The following MAP2K5 variants were observed in gnomAD, a reference collection of about 807,000 sequenced individuals.
MAP2K5 encodes mitogen-activated protein kinase kinase 5, also known as dual specificity mitogen-activated protein kinase kinase 5.
In MAP2K5, 49 loss-of-function variants were observed where a neutral mutation model predicts 83.1. The observed-to-expected ratio is 0.59, with a 90% CI of 0.47 to 0.75. MAP2K5 has a LOEUF of 0.75. MAP2K5 is among the 30% of genes least tolerant of loss of function. MAP2K5 has a pLI of 0.00. For synonymous variants in MAP2K5, 202 were observed against 191.8 expected (o/e 1.05, Z -0.44); for missense variants, 457 against 557.5 (o/e 0.82, Z 1.82).
At chr15:67,756,952 TC>T (rs1042766246) in intron 19 of MAP2K5, among the ~76,000 whole-genome samples, 2 of 152,202 alleles carry the variant, frequency 1.3e-5, no homozygotes, top group African/African-American at 2.4e-5. Flanking sequence ...TATTGACTGA[TC>T]CTTGGGTTGT....
Position 67,755,179 on chromosome 15 carries a change from A to G in MAP2K5, c.1134+6578A>G, listed in dbSNP as rs942848210. Among the ~76,000 whole-genome samples the G allele has an allele frequency of 6.6e-6, 1 of 152,028 alleles. No individual in the cohort carries two copies. The highest frequency in any genetic ancestry group is 2.4e-5 in the African/African-American group (1 of 41,394). On this transcript the variant is annotated intron_variant, in intron 19 of 21. Coordinates refer to ENST00000178640, the MANE Select transcript of MAP2K5 (RefSeq NM_145160.3). This position sits in a 1 kb window ranked among gnomAD's most constrained non-coding sequence, Gnocchi z 4.7. ...TTTTTAGTAGAGATGGGGTTTCACC[A>G]TGTTGGCCAGGCTGGTCTCAAACTC...
At chr15:67,693,790 C>G (rs1263453668) in intron 15 of MAP2K5, among the ~76,000 whole-genome samples, 1 of 152,162 alleles carries the variant, frequency 6.6e-6, no homozygotes, top group African/African-American at 2.4e-5. Flanking sequence ...CTGGTTGGTT[C>G]AAGTGTGAAA....
chr15:67,589,802 T>C (rs904905943), intron 6 of MAP2K5, among the ~76,000 whole-genome samples: 3 of 151,882 alleles, frequency 2.0e-5, no homozygotes, highest in Admixed American at 2.0e-4. Context: ...TGTGTGTGTG[T>C]GTGTGTGTGT....
intron 11 of MAP2K5, among the ~76,000 whole-genome samples, chr15:67,651,145 A>C (rs1397319260): frequency 6.6e-6 from 1 of 152,124 alleles, no homozygotes; most frequent in African/African-American, 2.4e-5. Context: ...TTGAACCTGG[A>C]AGCTGGAGGT....
At chr15:67,606,871 A>G (rs2085788628) in intron 8 of MAP2K5, among the ~76,000 whole-genome samples, 1 of 152,230 alleles carries the variant, frequency 6.6e-6, no homozygotes, top group Admixed American at 6.5e-5. Flanking sequence ...GGGAAACAGA[A>G]TGAAAAGAGT....
intron 21 of MAP2K5, among the ~76,000 whole-genome samples, chr15:67,791,953 A>G (rs1360006826): frequency 1.3e-5 from 2 of 152,214 alleles, no homozygotes; most frequent in Non-Finnish European, 2.9e-5. Context: ...TTAAAATAGC[A>G]CAAAGCATAT....
At chr15:67,795,826 T>A (rs1425271781) in intron 21 of MAP2K5, among the ~76,000 whole-genome samples, 4 of 152,256 alleles carry the variant, frequency 2.6e-5, no homozygotes, top group Non-Finnish European at 4.4e-5. Flanking sequence ...AATCTCCCAC[T>A]ACTATTGTGT....
At position 67,785,292 on chromosome 15, in the gene MAP2K5, A is replaced by G. The variant is rs7175517; in HGVS notation, c.1242+12540A>G. Among the ~76,000 whole-genome samples, 46,413 of 152,072 alleles carry G rather than the reference A, an allele frequency of 0.31. 8,171 individuals are homozygous for G. Among genetic ancestry groups the G allele is most frequent in the East Asian group, 0.6 (3,083 of 5,172 alleles). On this transcript the variant is annotated intron_variant, in intron 21 of 21. Transcript: ENST00000178640. The surrounding 1 kb of genome is among the most constrained non-coding windows in gnomAD (Gnocchi z 4.4). ...GAAGATAAGGAATTTGTGCCAGGAT[A>G]TAAATCAAGCCTGTCTGAAAGCATT...
chr15:67,619,409 C>T (rs2086129088), intron 8 of MAP2K5, among the ~76,000 whole-genome samples: 1 of 152,304 alleles, frequency 6.6e-6, no homozygotes, highest in Non-Finnish European at 1.5e-5. Context: ...TTGTTCTCTG[C>T]TGTATCCACA....
intron 14 of MAP2K5, among the ~76,000 whole-genome samples, chr15:67,693,211 C>G (rs2088160651): frequency 6.6e-6 from 1 of 152,188 alleles, no homozygotes. Context: ...TGTTCAAATT[C>G]TGCTTTAAAT....
In MAP2K5 at chr15:67,775,347, G is replaced by A. The variant is rs2090218613; in HGVS notation, c.1242+2595G>A. Among the ~76,000 whole-genome samples, 1 of 152,186 alleles carries A rather than the reference G, an allele frequency of 6.6e-6. No homozygotes were observed. Among genetic ancestry groups the A allele is most frequent in the Non-Finnish European group, 1.5e-5 (1 of 68,038 alleles). On this transcript the variant is annotated intron_variant, in intron 21 of 21. Transcript: ENST00000178640. This position sits in a 1 kb window ranked among gnomAD's most constrained non-coding sequence, Gnocchi z 5.3. ...ATATCCTAAGTGGAAGTATTTTAAA[G>A]TTGGACCAAGAAATTCCTTTACTGC...
chr15:67,587,576 A>G lies in MAP2K5; in HGVS notation c.431+663A>G, dbSNP rs114880184. ...TCGGAGGAATGCACTTTATCAGCCA[A>G]CGCAGCTCCTTCCCTTTTTTACTTG... On this transcript the variant is annotated intron_variant, in intron 6 of 21. Coordinates refer to ENST00000178640, the MANE Select transcript of MAP2K5 (RefSeq NM_145160.3). The surrounding 1 kb of genome is among the most constrained non-coding windows in gnomAD (Gnocchi z 4.8). Among the ~76,000 whole-genome samples, 21 of 152,248 alleles carry G rather than the reference A, an allele frequency of 1.4e-4. No individual in the cohort carries two copies. The highest frequency in any genetic ancestry group is 4.8e-4 in the African/African-American group (20 of 41,536).
chr15:67,673,361 A>G (rs908225797), intron 13 of MAP2K5, among the ~76,000 whole-genome samples: 1 of 152,160 alleles, frequency 6.6e-6, no homozygotes, highest in African/African-American at 2.4e-5. Flanking sequence ...TAGGCAGGTA[A>G]ATGTTATATA....
intron 13 of MAP2K5, among the ~76,000 whole-genome samples, chr15:67,671,334 C>T (rs1231883138): frequency 6.6e-6 from 1 of 152,052 alleles, no homozygotes; most frequent in Non-Finnish European, 1.5e-5. Context: ...CTGTACCAGG[C>T]ACTGTTCTAG....
At chr15:67,703,160 G>T (rs1676488467) in intron 15 of MAP2K5, among the ~76,000 whole-genome samples, 177 bp from the exon 16 acceptor site, 1 of 152,190 alleles carries the variant, frequency 6.6e-6, no homozygotes, top group South Asian at 2.1e-4. Context: ...AATTTCTATA[G>T]ATCATCTATA....
At position 67,565,779 on chromosome 15, in the gene MAP2K5, A is replaced by T. The variant is rs1167525141; in HGVS notation, c.252+2429A>T. ...TCTATCTCATTGATGAGATAATTTA[A>T]AAAAATTTTTTGTAGAGATAGGGTC... On this transcript the variant is annotated intron_variant, in intron 3 of 21. Transcript: ENST00000178640. The surrounding 1 kb of genome is among the most constrained non-coding windows in gnomAD (Gnocchi z 4.1). Among the ~76,000 whole-genome samples, 6 of 151,838 alleles carry T rather than the reference A, an allele frequency of 4.0e-5. No homozygotes were observed. The highest frequency in any genetic ancestry group is 7.4e-5 in the Non-Finnish European group (5 of 67,984).
At position 67,668,792 on chromosome 15, in the gene MAP2K5, A is replaced by G. The variant is rs551321380; in HGVS notation, c.847+4147A>G. Among the ~76,000 whole-genome samples the G allele has an allele frequency of 6.6e-6, 1 of 152,126 alleles. No homozygotes were observed. Among genetic ancestry groups the G allele is most frequent in the South Asian group, 2.1e-4 (1 of 4,830 alleles). On this transcript the variant is annotated intron_variant, in intron 13 of 21. Coordinates refer to ENST00000178640, the MANE Select transcript of MAP2K5 (RefSeq NM_145160.3). The surrounding 1 kb of genome is among the most constrained non-coding windows in gnomAD (Gnocchi z 4.0). ...TAAAATTGGCAATCATTCTGGGGCC[A>G]TCTTACACAGATGCAGAAGTTTATA... is the stretch of plus-strand genomic sequence containing the variant.
In MAP2K5 at chr15:67,747,501, C is replaced by T. The variant is rs528640028; in HGVS notation, c.1075-730C>T. ...GGATGTTTTATTAATTTTTATGTCACGTTTTAGTAGCTTTGTAAGAAATGC... is the reference window on the plus strand; with the variant it reads ...GGATGTTTTATTAATTTTTATGTCATGTTTTAGTAGCTTTGTAAGAAATGC... On this transcript the variant is annotated intron_variant, in intron 17 of 21. Transcript: ENST00000178640. This position sits in a 1 kb window ranked among gnomAD's most constrained non-coding sequence, Gnocchi z 4.1. 3.9e-5 allele frequency among the ~76,000 whole-genome samples: 6 copies of T among 152,242 alleles called. No homozygotes were observed. The highest frequency in any genetic ancestry group is 4.1e-4 in the South Asian group (2 of 4,822).
At position 67,561,581 on chromosome 15, in the gene MAP2K5, G is replaced by A. The variant is rs529347473; in HGVS notation, c.185-1702G>A. ...TAGACAGTGTGATCTTGATGATACC[G>A]ATTCACACTGAGTTGGGGAACTCTG... On this transcript the variant is annotated intron_variant, in intron 2 of 21. Coordinates refer to ENST00000178640, the MANE Select transcript of MAP2K5 (RefSeq NM_145160.3). The surrounding 1 kb of genome is among the most constrained non-coding windows in gnomAD (Gnocchi z 4.2). 2.0e-5 allele frequency among the ~76,000 whole-genome samples: 3 copies of A among 152,112 alleles called. No individual in the cohort carries two copies. Among genetic ancestry groups the A allele is most frequent in the Non-Finnish European group, 4.4e-5 (3 of 68,016 alleles).
Sources: allele counts gnomAD v4.1 joint callset (sites outside exome capture counted in the v4.1 genomes callset), GRCh38; gene constraint gnomAD v4.1.1; non-coding constraint Gnocchi (gnomAD v3.1); transcripts MANE v1.5; gene names NCBI Gene and HGNC (gene_info 2026-07-23, HGNC 2026-07-21).